Variants in MITF observed in about 807,000 individuals in gnomAD.
MITF encodes the protein microphthalmia-associated transcription factor.
Under a neutral mutation model 60.5 loss-of-function variants are expected in MITF, and 17 were observed. The observed-to-expected ratio is 0.28, with a 90% CI of 0.19 to 0.42. The LOEUF (loss-of-function observed/expected upper bound fraction) is 0.42, where lower values mean the gene tolerates loss of function less well. Among genes scored for constraint, MITF ranks in the 10% least tolerant of loss-of-function variants. MITF has a pLI of 1.00. For missense variants in MITF, 622 were observed against 683.5 expected (o/e 0.91, Z 1.00); for synonymous variants, 260 against 248.5 (o/e 1.05, Z -0.43).
At chr3:69,757,110 C>A (rs1299134839) in intron 1 of MITF, among the ~76,000 whole-genome samples, 2 of 152,096 alleles carry the variant, frequency 1.3e-5, no homozygotes, top group African/African-American at 4.8e-5. Context: ...CCTATCATAG[C>A]ACTGGGTTGC....
chr3:69,777,953 T>C (rs2062501452), intron 1 of MITF, among the ~76,000 whole-genome samples: 1 of 152,100 alleles, frequency 6.6e-6, no homozygotes, highest in African/African-American at 2.4e-5. Context: ...TACTGAAAGA[T>C]CACTCTGGCG....
At chr3:69,925,574 T>G (rs887536200) in intron 2 of MITF, among the ~76,000 whole-genome samples, 2 of 152,216 alleles carry the variant, frequency 1.3e-5, no homozygotes, top group African/African-American at 4.8e-5. Context: ...ATTCTCTTTA[T>G]TAAAACATCT....
At chr3:69,769,327 A>G (rs1046355997) in intron 1 of MITF, among the ~76,000 whole-genome samples, 2 of 152,196 alleles carry the variant, frequency 1.3e-5, no homozygotes, top group African/African-American at 4.8e-5. Context: ...GTAGTCTGGC[A>G]CCTAGTTAGC....
chr3:69,942,553 A>G (rs1048246599), intron 5 of MITF, among the ~76,000 whole-genome samples: 1 of 152,010 alleles, frequency 6.6e-6, no homozygotes, highest in Non-Finnish European at 1.5e-5. Context: ...TGAAACCTCA[A>G]GCTTCTTTTA....
intron 5 of MITF, among the ~76,000 whole-genome samples, chr3:69,947,617 T>C (rs2066131016): frequency 6.6e-6 from 1 of 152,150 alleles, no homozygotes; most frequent in Non-Finnish European, 1.5e-5. Context: ...TATGGGGGTA[T>C]GTGTATTAGG....
chr3:69,757,047 ATAGATTGCAAAAATTTTCTCCCATTCTG>A (rs1704177628), intron 1 of MITF, among the ~76,000 whole-genome samples: 1 of 151,970 alleles, frequency 6.6e-6, no homozygotes, highest in African/African-American at 2.4e-5. Context: ...TGTTAGATGG[ATAGATTGCAAAAATTTTCTCCCATTCTG>A]TAGATTGTGT....
At chr3:69,865,062 G>C (rs2064086448) in intron 1 of MITF, among the ~76,000 whole-genome samples, 1 of 152,084 alleles carries the variant, frequency 6.6e-6, no homozygotes, top group Non-Finnish European at 1.5e-5. Context: ...CACAGTTGGT[G>C]TTCCATAAAT....
At chr3:69,853,720 C>A (rs1415795980) in intron 1 of MITF, among the ~76,000 whole-genome samples, 1 of 152,114 alleles carries the variant, frequency 6.6e-6, no homozygotes, top group African/African-American at 2.4e-5. Flanking sequence ...TAAATGGGGT[C>A]ATAAGGCAAG....
Position 69,849,363 on chromosome 3 carries a change from T to A in MITF, c.105-29771T>A, listed in dbSNP as rs573060779. On this transcript the variant is annotated intron_variant, in intron 1 of 9. Transcript: ENST00000352241. Reference sequence around the variant, plus strand: ...CAGTTACGGTGCTGTTTTAGAGGAGTTCCCTTTGTGATGCCATGTTCGTAT... The same window carrying A: ...CAGTTACGGTGCTGTTTTAGAGGAGATCCCTTTGTGATGCCATGTTCGTAT... 1.3e-3 allele frequency among the ~76,000 whole-genome samples: 199 copies of A among 152,168 alleles called. 1 individual carries two copies. The highest frequency in any genetic ancestry group is 2.3e-3 in the Non-Finnish European group (154 of 67,998).
At position 69,938,002 on chromosome 3, in the gene MITF, A is replaced by T. The variant is rs2107479808; in HGVS notation, c.535A>T (p.Asn179Tyr). 1 of 1,614,218 alleles carries T rather than the reference A, an allele frequency of 6.2e-7. No homozygotes were observed. The highest frequency in any genetic ancestry group is 2.2e-5 in the East Asian group (1 of 44,862). The change falls in exon 3 of 10, where the codon AAC becomes TAC. Residue 179 changes from asparagine to tyrosine, a missense_variant. Physicochemically the swap from Asn to Tyr is moderately radical, Grantham distance 143. Around this residue, in one of 5 missense-constraint regions of MITF, gnomAD observed 215 missense variants for 224.8 expected, o/e 0.96. Coordinates refer to ENST00000352241, the MANE Select transcript of MITF (RefSeq NM_001354604.2). ...ACCGGTGCCGGGGAGCAGCGCACCCAACAGCCCCATGGCTATGCTTACGCT... is the reference window on the plus strand; with the variant it reads ...ACCGGTGCCGGGGAGCAGCGCACCCTACAGCCCCATGGCTATGCTTACGCT... ...MPPVPGSSAP[N>Y]SPMAMLTLNS...
intron 4 of MITF, among the ~76,000 whole-genome samples, chr3:69,940,201 C>T (rs917039894): frequency 2.0e-5 from 3 of 152,082 alleles, no homozygotes; most frequent in East Asian, 1.9e-4. Context: ...GGAGGCTTTG[C>T]CCTAATCTAG....
At chr3:69,755,798 T>A (rs1051256653) in intron 1 of MITF, among the ~76,000 whole-genome samples, 7 of 152,162 alleles carry the variant, frequency 4.6e-5, no homozygotes, top group Non-Finnish European at 8.8e-5. Context: ...GAATATTCAA[T>A]AAGGTGATGA....
At chr3:69,948,366 G>C (rs892228016) in intron 5 of MITF, among the ~76,000 whole-genome samples, 1 of 150,988 alleles carries the variant, frequency 6.6e-6, no homozygotes, top group Non-Finnish European at 1.5e-5. Flanking sequence ...GAAAAACTCT[G>C]ACGCTAGCTT....
intron 2 of MITF, among the ~76,000 whole-genome samples, chr3:69,910,675 C>T (rs1360210615): frequency 1.3e-5 from 2 of 152,164 alleles, no homozygotes; most frequent in Non-Finnish European, 2.9e-5. Flanking sequence ...TAAAATTTGA[C>T]TTGACTGCTC....
intron 2 of MITF, among the ~76,000 whole-genome samples, chr3:69,921,375 G>A (rs2065464629): frequency 1.3e-5 from 2 of 152,122 alleles, no homozygotes; most frequent in Admixed American, 6.5e-5. Flanking sequence ...GTTGATGTTC[G>A]GAATGACTCA....
At chr3:69,936,196 C>T (rs2065830097) in intron 2 of MITF, among the ~76,000 whole-genome samples, 1 of 152,254 alleles carries the variant, frequency 6.6e-6, no homozygotes, top group East Asian at 1.9e-4. Flanking sequence ...AAAAGATAGT[C>T]ATCCTGCAGT....
chr3:69,798,125 C>A (rs1444583457), intron 1 of MITF, among the ~76,000 whole-genome samples: 1 of 152,166 alleles, frequency 6.6e-6, no homozygotes, highest in Non-Finnish European at 1.5e-5. Flanking sequence ...CCTCAGTCTC[C>A]CCATGTGTAA....
chr3:69,894,601 C>T (rs1575903673), intron 2 of MITF, among the ~76,000 whole-genome samples: 1 of 151,150 alleles, frequency 6.6e-6, no homozygotes, highest in African/African-American at 2.4e-5. Context: ...AAGGAGAATC[C>T]CTTGAACCCA....
rs1160617285 is a variant in MITF at position 69,873,973 on chromosome 3, C to T, written c.105-5161C>T. 3.3e-5 allele frequency among the ~76,000 whole-genome samples: 5 copies of T among 152,186 alleles called. No individual in the cohort carries two copies. The East Asian group carries it at 7.7e-4, about 24-fold the overall frequency. ...GCGAATTTTGTTTTTCTCAGCTAGC[C>T]TTTTGCATTTTGAAACCCCTGTAGC... On this transcript the variant is annotated intron_variant, in intron 1 of 9. Coordinates refer to ENST00000352241, the MANE Select transcript of MITF (RefSeq NM_001354604.2).
Sources: gnomAD v4.1 joint callset for allele counts (sites outside exome capture counted in the v4.1 genomes callset) on GRCh38, gnomAD v4.1.1 for gene constraint, gnomAD v4.1.1 regional missense constraint, MANE v1.5 for transcripts, NCBI Gene and HGNC (gene_info 2026-07-23, HGNC 2026-07-21) for gene names.